The following TOGARAM2 variants were observed in gnomAD, a reference collection of about 807,000 sequenced individuals.
The protein encoded by TOGARAM2 is TOG array regulator of axonemal microtubules 2, also known as TOG array regulator of axonemal microtubules protein 2.
A neutral mutation model predicts 93.3 loss-of-function variants in TOGARAM2; 85 were observed. The observed-to-expected ratio is 0.91, with a 90% confidence interval of 0.76 to 1.09. The LOEUF is 1.09. Ranked by LOEUF, TOGARAM2 falls within the 50% of genes least tolerant of loss-of-function variation. The pLI is 0.00. For synonymous variants in TOGARAM2, 593 were observed against 552.8 expected (o/e 1.07, Z -1.02); for missense variants, 1,277 against 1,334.5 (o/e 0.96, Z 0.67).
chr2:29,050,178 C>G (rs546629550), intron 19 of TOGARAM2: 1 of 151,878 alleles, frequency 6.6e-6, no homozygotes, highest in Non-Finnish European at 1.5e-5. Flanking sequence ...ATAATGAGAC[C>G]CCCATCTCTA....
At chr2:29,041,966 C>T (rs757305927) in intron 18 of TOGARAM2, among the ~76,000 whole-genome samples, 3 of 152,172 alleles carry the variant, frequency 2.0e-5, no homozygotes, top group Non-Finnish European at 1.5e-5. Context: ...ATTCATTGAA[C>T]CCTTACAGCA....
At chr2:28,976,935 C>T (rs1457274538), upstream of TOGARAM2, among the ~76,000 whole-genome samples, 2 of 152,054 alleles carry the variant, frequency 1.3e-5, no homozygotes, top group East Asian at 3.9e-4. Flanking sequence ...GGGGGTGGGG[C>T]AGTGGTATTT....
At chr2:28,973,651 TAGC>T (rs1404976801) in intron 1 of TOGARAM2, among the ~76,000 whole-genome samples, 33 of 151,996 alleles carry the variant, frequency 2.2e-4, no homozygotes, top group Non-Finnish European at 1.5e-4. Context: ...GCCTCCCAAG[TAGC>T]TGCGACCAAA....
chr2:28,984,769 G>A (rs1232187225), intron 1 of TOGARAM2, among the ~76,000 whole-genome samples: 2 of 152,248 alleles, frequency 1.3e-5, no homozygotes, highest in Non-Finnish European at 2.9e-5. Flanking sequence ...GCCAATGGCT[G>A]TGTGATTTCA....
intron 10 of TOGARAM2, chr2:29,018,236 G>A: frequency 2.5e-6 from 1 of 403,922 alleles, no homozygotes; most frequent in Non-Finnish European, 4.4e-6. Flanking sequence ...GTGCACGAGG[G>A]CCAAAGACAC....
intron 6 of TOGARAM2, among the ~76,000 whole-genome samples, chr2:29,009,676 G>C (rs998747698): frequency 3.7e-4 from 56 of 152,184 alleles, no homozygotes; most frequent in African/African-American, 1.3e-3. Context: ...TAGGAGAAGA[G>C]GCAGGTGCTG....
chr2:29,041,384 A>G (rs749791358), intron 18 of TOGARAM2, among the ~76,000 whole-genome samples: 19 of 152,222 alleles, frequency 1.2e-4, no homozygotes, highest in Admixed American at 3.3e-4. Flanking sequence ...TTTCTGTGCA[A>G]GTGAATCAGT....
intron 6 of TOGARAM2, among the ~76,000 whole-genome samples, chr2:29,007,903 A>G (rs1014970120): frequency 1.3e-5 from 2 of 151,624 alleles, no homozygotes; most frequent in African/African-American, 4.8e-5. Context: ...CCCCTCGTCC[A>G]TCTCTGCAAC....
rs544792491 is a variant in TOGARAM2 at position 29,022,008 on chromosome 2, T to C, written c.1361-150T>C. On this transcript the variant is annotated intron_variant, in intron 10 of 19. Transcript: ENST00000379558. ...AGGCCCAGGCGCTGGGTTCTTAGCC[T>C]CACCAGGCACTTCCACTTGTACACC... The C allele has an allele frequency of 6.6e-4, 662 of 1,009,622 alleles. 9 individuals are homozygous for C. In the South Asian group the frequency reaches 9.4e-3, roughly 14 times the overall value. 62.5% of individuals were successfully genotyped at this position (1,009,622 alleles called of 1,614,324 possible). A position where few individuals can be genotyped will look rare whatever the true frequency, so the allele number is the denominator to read the frequency against.
Position 28,956,878 on chromosome 2 carries a change from A to G in TOGARAM2, c.-147+181A>G, listed in dbSNP as rs1671725846. Among the ~76,000 whole-genome samples the G allele has an allele frequency of 6.6e-6, 1 of 152,224 alleles. No homozygotes were observed. The highest frequency in any genetic ancestry group is 6.5e-5 in the Admixed American group (1 of 15,296). ...GGTGGCTCATGCCTGTAATCCCAAC[A>G]CTTTGGGAGGCCGAGGCGGGCGGAT... On this transcript the variant is annotated intron_variant, in intron 1 of 6. Coordinates refer to the TOGARAM2 transcript ENST00000401723. The surrounding 1 kb of genome is among the most constrained non-coding windows in gnomAD (Gnocchi z 4.5).
At chr2:29,037,131 A>T (rs1666162263) in intron 18 of TOGARAM2, among the ~76,000 whole-genome samples, 1 of 151,788 alleles carries the variant, frequency 6.6e-6, no homozygotes, top group East Asian at 1.9e-4. Flanking sequence ...GCAGGGAGGG[A>T]AAGTGGAGGG....
At chr2:28,968,115 G>C (rs1164577111) in intron 1 of TOGARAM2, among the ~76,000 whole-genome samples, 1 of 151,924 alleles carries the variant, frequency 6.6e-6, no homozygotes, top group Non-Finnish European at 1.5e-5. Context: ...CACCACGCTG[G>C]GCCAATAAGA....
At chr2:29,031,751 A>G (rs1465265752) in intron 14 of TOGARAM2, among the ~76,000 whole-genome samples, 1 of 152,242 alleles carries the variant, frequency 6.6e-6, no homozygotes, top group Non-Finnish European at 1.5e-5. Context: ...CTGAGATAGC[A>G]CATAGAAAGA....
At chr2:29,030,191 G>A (rs193271367) in intron 14 of TOGARAM2, among the ~76,000 whole-genome samples, 3 of 152,260 alleles carry the variant, frequency 2.0e-5, no homozygotes, top group Admixed American at 1.3e-4. Context: ...TAAGAGGATC[G>A]CTTGAGGCCA....
Position 29,024,199 on chromosome 2 carries a change from C to T in TOGARAM2, c.1678C>T (p.Gln560Ter). The change falls in exon 13 of 20, where the codon CAG (glutamine) becomes TAG (stop). Residue 560 changes from glutamine (Q) to a stop codon, truncating the protein, a stop_gained. Coordinates refer to ENST00000379558, the MANE Select transcript of TOGARAM2 (RefSeq NM_199280.4). LOFTEE classifies it high-confidence loss of function. ...LAISTLGDLF[Q>*]ALKKNMDQEA... ...CATCAGCACCTTGGGAGACCTCTTC[C>T]AGGCCTTGAAGAAGAATATGGACCA... is the stretch of plus-strand genomic sequence containing the variant. 6.2e-7 allele frequency: 1 copy of T among 1,605,280 alleles called. No individual in the cohort carries two copies. The highest frequency in any genetic ancestry group is 8.5e-7 in the Non-Finnish European group (1 of 1,175,740).
At chr2:29,017,705 C>A (rs1027639567) in intron 9 of TOGARAM2, 87 bp from the exon 10 acceptor site, 19 of 1,353,934 alleles carry the variant, frequency 1.4e-5, no homozygotes, top group Non-Finnish European at 1.8e-5. Context: ...GCTACTTTGG[C>A]CAGCCATGGG....
At chr2:28,969,806 G>A (rs1572617714) in intron 1 of TOGARAM2, among the ~76,000 whole-genome samples, 1 of 136,024 alleles carries the variant, frequency 7.4e-6, no homozygotes, top group African/African-American at 2.7e-5. Flanking sequence ...AATTTCGGTT[G>A]TCTTCCTTTT....
At chr2:28,998,294 C>G in intron 3 of TOGARAM2, 41 bp downstream of exon 3, 3 of 1,422,548 alleles carry the variant, frequency 2.1e-6, no homozygotes. Context: ...CCCCTGGCCT[C>G]ATCCTGGAGC....
At position 28,956,995 on chromosome 2, in the gene TOGARAM2, G is replaced by A. The variant is rs1281491066; in HGVS notation, c.-147+298G>A. ...CAAAAATTGGCCGGGAATGGTGGAG[G>A]GCATCTGTAATCCCAGGAGAATTGC... On this transcript the variant is annotated intron_variant, in intron 1 of 6. Transcript: ENST00000401723. This position sits in a 1 kb window ranked among gnomAD's most constrained non-coding sequence, Gnocchi z 4.5. 6.6e-6 allele frequency among the ~76,000 whole-genome samples: 1 copy of A among 151,878 alleles called. No individual in the cohort carries two copies. The highest frequency in any genetic ancestry group is 6.6e-5 in the Admixed American group (1 of 15,250).
Sources: gnomAD v4.1 joint callset for allele counts (sites outside exome capture counted in the v4.1 genomes callset) on GRCh38, gnomAD v4.1.1 for gene constraint, Gnocchi (gnomAD v3.1) non-coding constraint, MANE v1.5 for transcripts, NCBI Gene and HGNC (gene_info 2026-07-23, HGNC 2026-07-21) for gene names.